Variants in TMEM132B observed in about 807,000 individuals in gnomAD.
TMEM132B encodes transmembrane protein 132B.
A neutral mutation model predicts 90.8 loss-of-function variants in TMEM132B; 18 were observed. The ratio of observed to expected loss-of-function variants is 0.20; its 90% CI spans 0.14 to 0.29. TMEM132B has a LOEUF of 0.29. Ranked by LOEUF, TMEM132B falls within the 10% of genes least tolerant of loss-of-function variation. The pLI is 1.00. For synonymous variants in TMEM132B, 504 were observed against 523.3 expected, an observed-to-expected ratio of 0.96 and a Z score of 0.50; for missense variants, 1,096 against 1,326.8, an observed-to-expected ratio of 0.83 and a Z score of 2.70.
Position 125,253,836 on chromosome 12 carries a change from C to T in TMEM132B, c.67+66970C>T, listed in dbSNP as rs374495768. Among the ~76,000 whole-genome samples, 34 of 152,244 alleles carry T rather than the reference C, an allele frequency of 2.2e-4. 1 individual carries two copies. The highest frequency in any genetic ancestry group is 7.9e-4 in the African/African-American group (33 of 41,530). On this transcript the variant is annotated intron_variant, in intron 1 of 8. Transcript: ENST00000682704. Reference sequence around the variant, plus strand: ...TTACAATAATATGCTCAAGGTCACCCGGCTAAGAAGCAGAGGGTCAGGTTC... The same window carrying T: ...TTACAATAATATGCTCAAGGTCACCTGGCTAAGAAGCAGAGGGTCAGGTTC...
At chr12:125,504,179 C>T (rs778070010) in intron 3 of TMEM132B, among the ~76,000 whole-genome samples, 5 of 152,180 alleles carry the variant, frequency 3.3e-5, no homozygotes, top group Non-Finnish European at 7.3e-5. Context: ...GCTTAGCTGA[C>T]ATTTATTGAA....
At chr12:125,330,613 A>G (rs1308275049) in intron 1 of TMEM132B, among the ~76,000 whole-genome samples, 1 of 152,220 alleles carries the variant, frequency 6.6e-6, no homozygotes, top group East Asian at 1.9e-4. Context: ...AAGTATATCC[A>G]ATGCTGCCAA....
At chr12:125,193,517 C>T (rs1182663890) in intron 1 of TMEM132B, among the ~76,000 whole-genome samples, 2 of 152,172 alleles carry the variant, frequency 1.3e-5, no homozygotes, top group Admixed American at 6.5e-5. Flanking sequence ...TTTTCATGGT[C>T]AATGCAAGGC....
intron 3 of TMEM132B, among the ~76,000 whole-genome samples, chr12:125,488,808 T>C (rs1165789995): frequency 6.6e-6 from 1 of 152,258 alleles, no homozygotes; most frequent in Non-Finnish European, 1.5e-5. Context: ...CCCACTCGTG[T>C]ACCTATGGCA....
chr12:125,538,643 C>T (rs544072494), intron 4 of TMEM132B, among the ~76,000 whole-genome samples: 1 of 152,342 alleles, frequency 6.6e-6, no homozygotes, highest in African/African-American at 2.4e-5. Context: ...TGAGAACAAG[C>T]CTCTTATTCA....
intron 3 of TMEM132B, among the ~76,000 whole-genome samples, chr12:125,416,519 GC>G (rs1228653174): frequency 1.3e-5 from 2 of 152,250 alleles, no homozygotes; most frequent in African/African-American, 4.8e-5. Context: ...TTCAAGGCCT[GC>G]AGCATTAGGA....
intron 1 of TMEM132B, among the ~76,000 whole-genome samples, chr12:125,335,162 C>G (rs1391431698): frequency 6.6e-6 from 1 of 152,198 alleles, no homozygotes; most frequent in Admixed American, 6.5e-5. Flanking sequence ...GCTCAAATGT[C>G]TGGTTTCTGA....
rs1362237402 is a variant in TMEM132B at position 125,654,149 on chromosome 12, G to A, written c.2691G>A (p.Arg897=). 3 of 1,614,102 alleles carry A rather than the reference G, an allele frequency of 1.9e-6. No individual in the cohort carries two copies. The highest frequency in any genetic ancestry group is 2.7e-5 in the African/African-American group (2 of 74,934). ...NNPSDLTVTS[R]GLTDLEIGMY... ...CTAGTGACCTCACAGTGACCTCAAG[G>A]GGGCTAACGGACTTGGAGATTGGCA... Residue 897 remains arginine (R), a synonymous_variant, in exon 9 of 9, where the codon AGG becomes AGA. Coordinates refer to ENST00000682704, the MANE Select transcript of TMEM132B (RefSeq NM_001366854.1). This position sits in a 1 kb window ranked among gnomAD's most constrained non-coding sequence, Gnocchi z 5.8.
chr12:125,420,125 G>A (rs909668217), intron 3 of TMEM132B, among the ~76,000 whole-genome samples: 2 of 152,208 alleles, frequency 1.3e-5, no homozygotes, highest in Admixed American at 6.5e-5. Flanking sequence ...AGCCGTCAGT[G>A]GATCTAACAT....
chr12:125,243,032 T>TATATATAC (rs1215676534), intron 1 of TMEM132B, among the ~76,000 whole-genome samples: 8 of 135,024 alleles, frequency 5.9e-5, no homozygotes, highest in African/African-American at 1.1e-4. Context: ...TATATATATA[T>TATATATAC]ACACACACAC....
chr12:125,576,504 A>G (rs1237868543), intron 4 of TMEM132B, among the ~76,000 whole-genome samples: 1 of 136,848 alleles, frequency 7.3e-6, no homozygotes. Flanking sequence ...AACCTCCAGT[A>G]CAACACTGGA....
At chr12:125,345,759 T>G (rs1245668861) in intron 1 of TMEM132B, among the ~76,000 whole-genome samples, 1 of 152,188 alleles carries the variant, frequency 6.6e-6, no homozygotes, top group Non-Finnish European at 1.5e-5. Context: ...GCCTCATTGC[T>G]CCTTCCTCAT....
chr12:125,588,268 C>T (rs1324043887), intron 5 of TMEM132B: 3 of 152,136 alleles, frequency 2.0e-5, no homozygotes, highest in South Asian at 2.1e-4. Flanking sequence ...ACAGTGGAAA[C>T]GTACTTTTCT....
Position 125,583,964 on chromosome 12 carries a change from A to G in TMEM132B, c.1407A>G (p.Glu469=), listed in dbSNP as rs1885118380. ...TGGTCGATGTGTCTGAGTCTGTGGA[A>G]TGCAAGTCTGCCGATGAAGATGTCA... The part of the protein sequence containing the change: ...GSVVDVSESV[E]CKSADEDVIK... The change falls in exon 5 of 9, where the codon GAA becomes GAG. Residue 469 remains glutamate, a synonymous_variant. Transcript: ENST00000682704. 6.2e-7 allele frequency: 1 copy of G among 1,614,168 alleles called. No individual in the cohort carries two copies.
At chr12:125,348,286 CA>C (rs1877429804) in intron 1 of TMEM132B, among the ~76,000 whole-genome samples, 1 of 152,122 alleles carries the variant, frequency 6.6e-6, no homozygotes, top group African/African-American at 2.4e-5. Context: ...TGAATATTGA[CA>C]GCACATTTCT....
At chr12:125,400,070 T>C (rs955904555) in intron 2 of TMEM132B, among the ~76,000 whole-genome samples, 10 of 152,184 alleles carry the variant, frequency 6.6e-5, no homozygotes, top group African/African-American at 2.4e-4. Context: ...TTTGATGGGC[T>C]CCATTGCCTA....
At chr12:125,289,552 A>G (rs1187196586) in intron 1 of TMEM132B, among the ~76,000 whole-genome samples, 1 of 152,208 alleles carries the variant, frequency 6.6e-6, no homozygotes, top group Non-Finnish European at 1.5e-5. Flanking sequence ...GGAGGTCCAC[A>G]CTATTTGACA....
At chr12:125,379,756 G>C (rs540669464) in intron 2 of TMEM132B, among the ~76,000 whole-genome samples, 13 of 152,296 alleles carry the variant, frequency 8.5e-5, no homozygotes, top group African/African-American at 2.9e-4. Flanking sequence ...AAATGCATTT[G>C]AGCACCAGAA....
At chr12:125,240,576 C>A (rs117553033) in intron 1 of TMEM132B, among the ~76,000 whole-genome samples, 1 of 152,100 alleles carries the variant, frequency 6.6e-6, no homozygotes, top group Non-Finnish European at 1.5e-5. Flanking sequence ...CCCAGATACC[C>A]CAGCATTGAC....
Sources: allele counts gnomAD v4.1 joint callset (sites outside exome capture counted in the v4.1 genomes callset), GRCh38; gene constraint gnomAD v4.1.1; non-coding constraint Gnocchi (gnomAD v3.1); transcripts MANE v1.5; gene names NCBI Gene and HGNC (gene_info 2026-07-23, HGNC 2026-07-21).